Variants in HAL observed in about 807,000 individuals in gnomAD.
HAL encodes the protein histidine ammonia-lyase.
HAL carries 85 observed loss-of-function variants against 81.1 expected under a neutral mutation model. The observed-to-expected ratio is 1.05, with a 90% CI of 0.88 to 1.25. The LOEUF (loss-of-function observed/expected upper bound fraction) is 1.25, where lower values mean the gene tolerates loss of function less well. Among genes scored for constraint, HAL ranks in the 50% most tolerant of loss-of-function variants. The pLI is 0.00. For synonymous variants in HAL, 301 were observed against 309.2 expected (o/e 0.97, Z 0.28); for missense variants, 798 against 836.6 (o/e 0.95, Z 0.57).
Position 95,995,925 on chromosome 12 carries a change from C to T in HAL, c.-15G>A, listed in dbSNP as rs571179881. ...TATCTGGGCATGGCTCCGCTGCAGC[C>T]TGAGGTCCTCAGCTGGTCACAGGAG... is the stretch of plus-strand genomic sequence containing the variant. On this transcript the variant is annotated 5_prime_UTR_variant, in exon 2 of 21. Transcript: ENST00000261208. 2.6e-5 allele frequency: 42 copies of T among 1,601,334 alleles called. No individual in the cohort carries two copies. The highest frequency in any genetic ancestry group is 3.5e-5 in the Non-Finnish European group (41 of 1,179,844).
In HAL at chr12:95,995,835, A is replaced by C. The variant is rs751660582; in HGVS notation, c.76T>G (p.Trp26Gly). The change falls in exon 2 of 21, where the codon TGG becomes GGG. Residue 26 changes from tryptophan (W) to glycine (G), a missense_variant. Trp to Gly is a radical substitution (Grantham distance 184). Transcript: ENST00000261208. ...PCQDAQLTVG[W>G]LGREAVRRYI... The stretch of plus-strand genomic sequence containing the variant: ...CGCCTCACGGCCTCCCGGCCCAGCC[A>C]GCCCACAGTGAGCTGCGCGTCCTGG... 6.2e-7 allele frequency: 1 copy of C among 1,611,534 alleles called. No individual in the cohort carries two copies. The highest frequency in any genetic ancestry group is 8.5e-7 in the Non-Finnish European group (1 of 1,179,996).
rs1046790336 is a variant in HAL at position 95,974,137 on chromosome 12, T to G, written c.*95A>C. 23 of 1,043,910 alleles carry G rather than the reference T, an allele frequency of 2.2e-5. No homozygotes were observed. The Admixed American group carries it at 3.4e-4, about 15-fold the overall frequency. 64.7% of individuals were successfully genotyped at this position (1,043,910 alleles called of 1,614,324 possible). ...AGAACTGAATGATACAATGGATTGA[T>G]CTACCTAGGAAAGTTCTCAGGTCTC... On this transcript the variant is annotated 3_prime_UTR_variant, in exon 21 of 21. Coordinates refer to ENST00000261208, the MANE Select transcript of HAL (RefSeq NM_002108.4).
chr12:95,974,346 A>G lies in HAL; in HGVS notation c.1860T>C (p.Ile620=), dbSNP rs748512974. Residue 620 remains isoleucine, a synonymous_variant, in exon 21 of 21, where the codon ATT becomes ATC. Transcript: ENST00000261208. ...GAATATGCTCCATTCTGTATTTTTC[A>G]ATGTATGGAGCAGCTACTTCCCAAA... ...QKVWEVAAPY[I]EKYRMEHIPE... The G allele has an allele frequency of 1.9e-6, 3 of 1,613,468 alleles. No homozygotes were observed. The highest frequency in any genetic ancestry group is 2.7e-5 in the African/African-American group (2 of 74,928).
chr12:95,989,282 C>T (rs1949939417), intron 10 of HAL, among the ~76,000 whole-genome samples: 1 of 152,246 alleles, frequency 6.6e-6, no homozygotes, highest in South Asian at 2.1e-4. Context: ...AACTCCTGGG[C>T]TCAAGTGATC....
At chr12:95,987,019 C>A (rs376164924) in intron 12 of HAL, 48 bp downstream of exon 12, 402 of 1,542,806 alleles carry the variant, frequency 2.6e-4, no homozygotes, top group Non-Finnish European at 3.5e-4. Context: ...CCCCGCCCCA[C>A]CACCTCTGGT....
chr12:95,983,953 C>T lies in HAL; in HGVS notation c.1245G>A (p.Lys415=). The change falls in exon 15 of 21, where the codon AAG becomes AAA. Residue 415 remains lysine (K), a synonymous_variant. Transcript: ENST00000261208. The part of the protein sequence containing the change: ...GVVNDTIAFV[K]NIITTELNSA... Reference sequence around the variant, plus strand: ...TGTTCAGTTCTGTGGTAATGATGTTCTTCACAAATGCTATTGTATCATTCA... The same window carrying T: ...TGTTCAGTTCTGTGGTAATGATGTTTTTCACAAATGCTATTGTATCATTCA... 3 of 1,590,104 alleles carry T rather than the reference C, an allele frequency of 1.9e-6. No individual in the cohort carries two copies. The highest frequency in any genetic ancestry group is 2.6e-6 in the Non-Finnish European group (3 of 1,159,036).
At chr12:95,983,610 G>C in intron 15 of HAL, 1 of 433,340 alleles carries the variant, frequency 2.3e-6, no homozygotes, top group East Asian at 4.6e-5. Context: ...TTTAGGGCCA[G>C]TGTCTTCAGG....
intron 1 of HAL, 22 bp downstream of exon 1, chr12:95,996,056 G>T: frequency 1.2e-6 from 1 of 805,242 alleles, no homozygotes; most frequent in Non-Finnish European, 2.0e-6. Flanking sequence ...TTCATGCATT[G>T]GACAAATATT....
At chr12:95,982,091 C>A (rs577167619) in intron 15 of HAL, among the ~76,000 whole-genome samples, 1 of 152,286 alleles carries the variant, frequency 6.6e-6, no homozygotes, top group East Asian at 1.9e-4. Flanking sequence ...CAATTTAGAA[C>A]TTAGACATGT....
chr12:95,995,007 C>T lies in HAL; in HGVS notation c.248-14G>A, dbSNP rs751044169. On this transcript the variant is annotated splice_polypyrimidine_tract_variant and intron_variant, in intron 2 of 20. Transcript: ENST00000261208. The stretch of plus-strand genomic sequence containing the variant: ...CACCCTCTATAACTAAAACAATGCA[C>T]GGGAGACTCGTTACAGATCACATTG... 48 of 1,589,028 alleles carry T rather than the reference C, an allele frequency of 3.0e-5. No individual in the cohort carries two copies. The highest frequency in any genetic ancestry group is 1.7e-4 in the Middle Eastern group (1 of 5,862).
intron 17 of HAL, 118 bp from the exon 18 acceptor site, chr12:95,978,196 A>T: frequency 2.5e-6 from 2 of 811,618 alleles, no homozygotes; most frequent in South Asian, 2.9e-5. Flanking sequence ...GATCTTGGAC[A>T]TTATCCAAGC....
intron 9 of HAL, among the ~76,000 whole-genome samples, chr12:95,992,159 A>G (rs1043398072): frequency 3.9e-5 from 6 of 152,196 alleles, no homozygotes; most frequent in African/African-American, 1.4e-4. Context: ...ATATCCTGCC[A>G]CTACATGGCT....
At chr12:95,988,912 TC>T in intron 10 of HAL, among the ~76,000 whole-genome samples, 1 of 152,304 alleles carries the variant, frequency 6.6e-6, no homozygotes, top group Non-Finnish European at 1.5e-5. Flanking sequence ...ACAGAGCTGG[TC>T]CCATTTACTA....
At position 95,995,816 on chromosome 12, in the gene HAL, A is replaced by T. The variant is rs1164622974; in HGVS notation, c.95T>A (p.Val32Glu). The change falls in exon 2 of 21, where the codon GTG becomes GAG. Residue 32 changes from valine to glutamate, a missense_variant. Physicochemically the swap from Val to Glu is moderately radical, Grantham distance 121. Coordinates refer to ENST00000261208, the MANE Select transcript of HAL (RefSeq NM_002108.4). ...LTVGWLGREA[V>E]RRYIKNKPDN... is the part of the protein sequence containing the mutation. ...GGGCTTATTCTTGATATAGCGCCTC[A>T]CGGCCTCCCGGCCCAGCCAGCCCAC... is the stretch of plus-strand genomic sequence containing the variant. 6.2e-7 allele frequency: 1 copy of T among 1,612,400 alleles called. No homozygotes were observed. The highest frequency in any genetic ancestry group is 8.5e-7 in the Non-Finnish European group (1 of 1,180,006).
At position 95,990,254 on chromosome 12, in the gene HAL, G is replaced by A. The variant is rs139108189; in HGVS notation, c.855+139C>T. The A allele has an allele frequency of 1.1e-4, 86 of 772,620 alleles. No individual in the cohort carries two copies. The East Asian group carries it at 1.3e-3, about 12-fold the overall frequency. 47.9% of individuals were successfully genotyped at this position (772,620 alleles called of 1,614,324 possible). Reference sequence around the variant, plus strand: ...TGCCTAGTCTGACTTCTAAGCTTTCGCTGTCTCATCTGTAAAGTAAGGATA... The same window carrying A: ...TGCCTAGTCTGACTTCTAAGCTTTCACTGTCTCATCTGTAAAGTAAGGATA... On this transcript the variant is annotated intron_variant, in intron 10 of 20. Transcript: ENST00000261208.
At position 95,994,089 on chromosome 12, in the gene HAL, C is replaced by A. The variant is rs778328756; in HGVS notation, c.411+1G>T. 46 of 1,612,116 alleles carry A rather than the reference C, an allele frequency of 2.9e-5. No individual in the cohort carries two copies. The highest frequency in any genetic ancestry group is 3.9e-5 in the Non-Finnish European group (46 of 1,178,336). ...GACATCTTTCCCCTCCCTCCCCATA[C>A]CTTTATTTTGTAGCGTCCCTTTCCC... On this transcript the variant is annotated splice_donor_variant, in intron 5 of 20. Coordinates refer to ENST00000261208, the MANE Select transcript of HAL (RefSeq NM_002108.4). LOFTEE classifies it high-confidence loss of function.
At chr12:95,983,153 C>A (rs549716679) in intron 15 of HAL, among the ~76,000 whole-genome samples, 1 of 152,232 alleles carries the variant, frequency 6.6e-6, no homozygotes, top group South Asian at 2.1e-4. Context: ...TTTGGGAGGC[C>A]GAGGCAGGTG....
rs2080778045 is a variant in HAL at position 95,980,551 on chromosome 12, CT to C, written c.1519+4del. 6.2e-7 allele frequency: 1 copy of C among 1,612,878 alleles called. No individual in the cohort carries two copies. The highest frequency in any genetic ancestry group is 8.5e-7 in the Non-Finnish European group (1 of 1,179,796). On this transcript the variant is annotated splice_donor_region_variant and intron_variant, in intron 17 of 20. Coordinates refer to ENST00000261208, the MANE Select transcript of HAL (RefSeq NM_002108.4). ...TGTGTTCTGGGAAAGGGGCAGTGTC[CT>C]TACCAAGGGCTGCTGCCGTGCAGTG...
intron 9 of HAL, among the ~76,000 whole-genome samples, chr12:95,990,891 C>T (rs12309712): frequency 3.2e-4 from 49 of 152,298 alleles, no homozygotes; most frequent in Admixed American, 1.0e-3. Flanking sequence ...GGGCATATCA[C>T]TTGAGCCCAG....
Sources: gnomAD v4.1 joint callset for allele counts (sites outside exome capture counted in the v4.1 genomes callset) on GRCh38, gnomAD v4.1.1 for gene constraint, MANE v1.5 for transcripts, NCBI Gene and HGNC (gene_info 2026-07-23, HGNC 2026-07-21) for gene names.